Variants in ARHGAP32 observed in about 807,000 individuals in gnomAD.
The protein encoded by ARHGAP32 is Rho GTPase activating protein 32.
Under a neutral mutation model 186.5 loss-of-function variants are expected in ARHGAP32, and 51 were observed. That is an observed-to-expected ratio of 0.27 (90% CI 0.22 to 0.35). The LOEUF (loss-of-function observed/expected upper bound fraction) is 0.35, where lower values mean the gene tolerates loss of function less well. ARHGAP32 is among the 10% of genes least tolerant of loss of function. The pLI, the probability that ARHGAP32 is intolerant of heterozygous loss-of-function variation, is 1.00. For synonymous variants in ARHGAP32, 950 were observed against 964.3 expected (o/e 0.99, Z 0.27); for missense variants, 2,186 against 2,623.5 (o/e 0.83, Z 3.64).
At chr11:129,114,859 T>C (rs548021051) in intron 5 of ARHGAP32, among the ~76,000 whole-genome samples, 51 of 152,216 alleles carry the variant, frequency 3.4e-4, no homozygotes, top group Non-Finnish European at 5.1e-4. Flanking sequence ...TTAGGATCTT[T>C]AAAAATACAA....
At chr11:129,165,248 G>C (rs1009987537) in intron 1 of ARHGAP32, among the ~76,000 whole-genome samples, 3 of 151,954 alleles carry the variant, frequency 2.0e-5, no homozygotes, top group African/African-American at 7.3e-5. Context: ...ATGTAGGACA[G>C]GATGCCAAGA....
At chr11:129,134,567 ATTTTAAAATT>A (rs1942894579) in intron 2 of ARHGAP32, among the ~76,000 whole-genome samples, 1 of 152,228 alleles carries the variant, frequency 6.6e-6, no homozygotes, top group African/African-American at 2.4e-5. Context: ...TTTAAAACCA[ATTTTAAAATT>A]CCAACTATAA....
intron 1 of ARHGAP32, among the ~76,000 whole-genome samples, chr11:129,177,315 A>T (rs1943939156): frequency 6.6e-6 from 1 of 152,122 alleles, no homozygotes; most frequent in Admixed American, 6.5e-5. Context: ...AACCAAAAAG[A>T]GTCCAGGACC....
intron 1 of ARHGAP32, among the ~76,000 whole-genome samples, chr11:129,199,329 A>T (rs1030780304): frequency 6.6e-6 from 1 of 152,252 alleles, no homozygotes; most frequent in Non-Finnish European, 1.5e-5. Context: ...TCTCCAGGTC[A>T]TGTCAGAGAT....
intron 12 of ARHGAP32, among the ~76,000 whole-genome samples, chr11:128,994,316 G>A (rs911409552): frequency 3.3e-5 from 5 of 150,792 alleles, no homozygotes; most frequent in African/African-American, 7.3e-5. Flanking sequence ...CACCACACCC[G>A]GCCACTTTTT....
intron 10 of ARHGAP32, among the ~76,000 whole-genome samples, chr11:129,050,510 A>C (rs1405548932): frequency 1.3e-5 from 2 of 152,178 alleles, no homozygotes; most frequent in Admixed American, 6.5e-5. Context: ...TTGCCCAGTG[A>C]GAGTTCTTTG....
chr11:129,113,488 T>A (rs1942282296), intron 5 of ARHGAP32, among the ~76,000 whole-genome samples: 1 of 152,142 alleles, frequency 6.6e-6, no homozygotes, highest in African/African-American at 2.4e-5. Context: ...TATTTGTGTA[T>A]TTTATGGTAG....
At chr11:129,124,779 A>T (rs1565433979) in intron 3 of ARHGAP32, 24 bp downstream of exon 3, 1 of 1,513,222 alleles carries the variant, frequency 6.6e-7, no homozygotes. Flanking sequence ...ATTCATTTAG[A>T]ATCCACTGTA....
chr11:129,060,570 G>C (rs1201253859), intron 10 of ARHGAP32, among the ~76,000 whole-genome samples: 1 of 152,096 alleles, frequency 6.6e-6, no homozygotes, highest in African/African-American at 2.4e-5. Context: ...CTTCTATTTA[G>C]TTTTATATTT....
chr11:129,215,112 T>A (rs1051672593), intron 1 of ARHGAP32, among the ~76,000 whole-genome samples: 1 of 152,148 alleles, frequency 6.6e-6, no homozygotes, highest in African/African-American at 2.4e-5. Context: ...CCTCCTTCCA[T>A]CACTTCACAG....
At chr11:129,084,000 G>A (rs1189346464) in intron 6 of ARHGAP32, among the ~76,000 whole-genome samples, 1 of 149,186 alleles carries the variant, frequency 6.7e-6, no homozygotes, top group Non-Finnish European at 1.5e-5. Context: ...AGATCACATG[G>A]ACATTAAAAG....
In ARHGAP32 at chr11:129,056,967, G is replaced by A. The variant is rs116244252; in HGVS notation, c.963+5313C>T. The stretch of plus-strand genomic sequence containing the variant: ...CACCGGTGACAGCCAACACCAAGAC[G>A]AGGCCCTCGTTTCCTTTACACTGCT... On this transcript the variant is annotated intron_variant, in intron 10 of 22. Transcript: ENST00000682385. 1.2e-3 allele frequency among the ~76,000 whole-genome samples: 188 copies of A among 152,138 alleles called. 1 individual carries two copies. The highest frequency in any genetic ancestry group is 4.1e-3 in the African/African-American group (172 of 41,512).
intron 3 of ARHGAP32, 135 bp downstream of exon 3, chr11:129,124,668 C>A: frequency 1.7e-6 from 1 of 591,570 alleles, no homozygotes; most frequent in Non-Finnish European, 2.9e-6. Flanking sequence ...ACTGCTGAGT[C>A]ATAATTTAAG....
chr11:129,061,663 C>T (rs532324422), intron 10 of ARHGAP32, among the ~76,000 whole-genome samples: 6 of 152,042 alleles, frequency 3.9e-5, no homozygotes, highest in Admixed American at 6.6e-5. Flanking sequence ...GATTCACGTC[C>T]GGGGTGGGAC....
At chr11:129,276,664 T>C (rs1329588696) in intron 1 of ARHGAP32, among the ~76,000 whole-genome samples, 1 of 152,240 alleles carries the variant, frequency 6.6e-6, no homozygotes, top group Non-Finnish European at 1.5e-5. Context: ...GCTAGGCCAA[T>C]TTACCAGGTA....
intron 5 of ARHGAP32, among the ~76,000 whole-genome samples, chr11:129,116,170 T>G (rs115938132): frequency 0.019 from 2,850 of 152,122 alleles, 89 homozygotes; most frequent in African/African-American, 0.06. Flanking sequence ...AGTGTGTCTG[T>G]AGTTGTGGGA....
chr11:129,108,631 G>A (rs906237300), intron 5 of ARHGAP32, among the ~76,000 whole-genome samples: 7 of 152,034 alleles, frequency 4.6e-5, no homozygotes, highest in Admixed American at 2.6e-4. Context: ...ATATCTGCTC[G>A]AGCCCTTTGC....
chr11:128,982,474 C>CGTGTGTGTGTGTGT lies in ARHGAP32; in HGVS notation c.1527-552_1527-539dup, dbSNP rs60379183. Among the ~76,000 whole-genome samples, 790 of 147,460 alleles carry CGTGTGTGTGTGTGT rather than the reference C, an allele frequency of 5.4e-3. 1 individual carries two copies. The highest frequency in any genetic ancestry group is 0.031 in the Middle Eastern group (9 of 286). ...AATGTAAGTTAAACCAGGTAAGTGC[C>CGTGTGTGTGTGTGT]GTGTGTGTGTGTGTGTGTGTGTGTG... On this transcript the variant is annotated intron_variant, in intron 15 of 22. Coordinates refer to ENST00000682385, the MANE Select transcript of ARHGAP32 (RefSeq NM_001378024.1).
chr11:129,086,376 C>T (rs916466577), intron 6 of ARHGAP32, among the ~76,000 whole-genome samples: 25 of 151,844 alleles, frequency 1.6e-4, no homozygotes, highest in Non-Finnish European at 5.9e-5. Context: ...TTAGTTACAG[C>T]GATGATATTT....
Sources: allele counts gnomAD v4.1 joint callset (sites outside exome capture counted in the v4.1 genomes callset), GRCh38; gene constraint gnomAD v4.1.1; transcripts MANE v1.5; gene names NCBI Gene and HGNC (gene_info 2026-07-23, HGNC 2026-07-21).